SLC4A5: variants seen among roughly 807,000 people sequenced by gnomAD.
The protein encoded by SLC4A5 is solute carrier family 4 member 5, also known as electrogenic sodium bicarbonate cotransporter 4.
SLC4A5 carries 96 observed loss-of-function variants against 120.4 expected under a neutral mutation model. The observed-to-expected ratio is 0.80, with a 90% CI of 0.68 to 0.94. The LOEUF is 0.94. Ranked by LOEUF, SLC4A5 falls within the 40% of genes least tolerant of loss-of-function variation. SLC4A5 has a pLI of 0.00. For synonymous variants in SLC4A5, 550 were observed against 571.1 expected (o/e 0.96, Z 0.53); for missense variants, 1,259 against 1,459.5 (o/e 0.86, Z 2.24).
At chr2:74,256,163 C>G (rs1054121962) in intron 12 of SLC4A5, among the ~76,000 whole-genome samples, 6 of 152,228 alleles carry the variant, frequency 3.9e-5, no homozygotes, top group African/African-American at 1.4e-4. Flanking sequence ...CAACGACTTT[C>G]CTTGACTAAG....
At chr2:74,258,399 G>C in intron 12 of SLC4A5, among the ~76,000 whole-genome samples, 1 of 152,236 alleles carries the variant, frequency 6.6e-6, no homozygotes, top group South Asian at 2.1e-4. Context: ...TGGTGAAAGG[G>C]ACAGCTAGTG....
rs1470365991 is a variant in SLC4A5 at position 74,287,366 on chromosome 2, GAATCCC to G, written c.272-1470_272-1465del. On this transcript the variant is annotated intron_variant, in intron 7 of 30. Coordinates refer to ENST00000394019, the Ensembl canonical transcript of SLC4A5. ...AGTGGTAGTGTGGTGGAATCAAATA[GAATCCC>G]AATCCAGCTAGACAAGGGTGTGAGT... 6.6e-5 allele frequency among the ~76,000 whole-genome samples: 10 copies of G among 152,230 alleles called. No individual in the cohort carries two copies. The East Asian group carries it at 1.9e-3, about 29-fold the overall frequency.
intron 7 of SLC4A5, among the ~76,000 whole-genome samples, chr2:74,303,440 T>C (rs951395551): frequency 1.3e-5 from 2 of 152,140 alleles, no homozygotes; most frequent in Admixed American, 1.3e-4. Context: ...CTATATATAG[T>C]AGAAACCAAA....
chr2:74,238,094 T>A (rs1028254190), intron 21 of SLC4A5, among the ~76,000 whole-genome samples: 1 of 152,036 alleles, frequency 6.6e-6, no homozygotes, highest in African/African-American at 2.4e-5. Flanking sequence ...AGAGTGAGAC[T>A]CTGTCTCAAA....
At chr2:74,336,499 T>C (rs775617518) in intron 3 of SLC4A5, among the ~76,000 whole-genome samples, 29 of 152,174 alleles carry the variant, frequency 1.9e-4, no homozygotes, top group Admixed American at 4.6e-4. Context: ...ATAGCAGCTA[T>C]CCCATAGGTT....
At chr2:74,307,582 T>C in intron 6 of SLC4A5, 1 of 688,720 alleles carries the variant, frequency 1.5e-6, no homozygotes, top group Non-Finnish European at 2.7e-6. Context: ...TTGTCCACAG[T>C]ATTTGCGAAG....
At position 74,255,959 on chromosome 2, in the gene SLC4A5, C is replaced by T. The variant is rs763298616; in HGVS notation, c.868-27G>A. On this transcript the variant is annotated intron_variant, in intron 12 of 30. Transcript: ENST00000394019. This position sits in a 1 kb window ranked among gnomAD's most constrained non-coding sequence, Gnocchi z 4.0. ...TGGACAGGGAGGGGAAACGAGATAG[C>T]CAAGGAGACTCCCACCTGCTCTCAC... is the stretch of plus-strand genomic sequence containing the variant. 2.4e-5 allele frequency: 39 copies of T among 1,608,926 alleles called. No homozygotes were observed. Among genetic ancestry groups the T allele is most frequent in the Non-Finnish European group, 3.3e-5 (39 of 1,175,944 alleles).
rs748967071 is a variant in SLC4A5, at chr2:74,233,482, C to A, written c.2515G>T (p.Ala839Ser). Residue 839 changes from alanine to serine, a missense_variant, in exon 23 of 31, where the codon GCC (alanine) becomes TCC (serine). Ala to Ser is a moderately conservative substitution (Grantham distance 99). Transcript: ENST00000394019. The stretch of plus-strand genomic sequence containing the variant: ...AAGATCAGGATGGTCACCAGCAGGG[C>A]GGGCAGGATGCTTGCTGGGTATACC... 1 of 1,614,174 alleles carries A rather than the reference C, an allele frequency of 6.2e-7. No homozygotes were observed. Among genetic ancestry groups the A allele is most frequent in the Admixed American group, 1.7e-5 (1 of 60,018 alleles).
intron 16 of SLC4A5, 47 bp from the exon 17 acceptor site, chr2:74,250,564 T>C (rs1670759022): frequency 2.5e-6 from 4 of 1,605,494 alleles, no homozygotes; most frequent in East Asian, 2.2e-5. Flanking sequence ...CTAACACCAG[T>C]GCAGGGGCAG....
intron 14 of SLC4A5, 96 bp from the exon 15 acceptor site, chr2:74,253,224 A>G: frequency 7.0e-7 from 1 of 1,434,176 alleles, no homozygotes; most frequent in South Asian, 1.3e-5. Flanking sequence ...ATCCCTTTGA[A>G]CCACATCTCC....
At chr2:74,313,212 A>G (rs576722492) in intron 6 of SLC4A5, among the ~76,000 whole-genome samples, 2 of 152,074 alleles carry the variant, frequency 1.3e-5, no homozygotes, top group Admixed American at 6.5e-5. Flanking sequence ...TGAGCACTTT[A>G]TATGATTCTG....
In SLC4A5 at chr2:74,314,876, G is replaced by A. The variant is rs963858743; in HGVS notation, c.79+69C>T. 1.0e-5 allele frequency: 14 copies of A among 1,388,986 alleles called. No individual in the cohort carries two copies. The African/African-American group carries it at 1.8e-4, about 18-fold the overall frequency. The allele number at this position is 1,388,986 out of a possible 1,614,324, so 86.0% of individuals were successfully genotyped here. A position where few individuals can be genotyped will look rare whatever the true frequency, so the allele number is the denominator to read the frequency against. Reference sequence around the variant, plus strand: ...CCTAGACTCTCCTGCTGAAAGAGCTGTCATAAAGACATTCAGAGAATTCTC... The same window carrying A: ...CCTAGACTCTCCTGCTGAAAGAGCTATCATAAAGACATTCAGAGAATTCTC... On this transcript the variant is annotated intron_variant, in intron 6 of 30. Coordinates refer to ENST00000394019, the Ensembl canonical transcript of SLC4A5.
chr2:74,273,301 A>C (rs1671534561), intron 8 of SLC4A5, among the ~76,000 whole-genome samples: 1 of 152,216 alleles, frequency 6.6e-6, no homozygotes, highest in South Asian at 2.1e-4. Context: ...TTTGTTTGCA[A>C]AATCCCCCCT....
In SLC4A5 at chr2:74,310,493, G is replaced by A. The variant is rs140556947; in HGVS notation, c.79+4452C>T. ...AATTTCCCTCTATTCCTAGTTTACT[G>A]CAAGTTTTTATTATGAATAGGTGTT... On this transcript the variant is annotated intron_variant, in intron 6 of 30. Coordinates refer to ENST00000394019, the Ensembl canonical transcript of SLC4A5. Among the ~76,000 whole-genome samples the A allele has an allele frequency of 4.6e-5, 7 of 152,168 alleles. No individual in the cohort carries two copies. The East Asian group carries it at 1.4e-3, about 29-fold the overall frequency.
chr2:74,261,992 G>A (rs1239007589), intron 11 of SLC4A5, 145 bp downstream of exon 11: 1 of 652,772 alleles, frequency 1.5e-6, no homozygotes, highest in African/African-American at 1.8e-5. Flanking sequence ...TGGGTTTAGA[G>A]TGAAAGTTAG....
chr2:74,218,799 G>A lies in SLC4A5; in HGVS notation c.*34-7C>T, dbSNP rs1694520425. ...TTTGAAGTGCAAGGTGATGCTGAAC[G>A]AGAAGTAGGAAAGAAGGATTACGTA... On this transcript the variant is annotated splice_region_variant and splice_polypyrimidine_tract_variant and intron_variant, in intron 30 of 30. Coordinates refer to ENST00000394019, the Ensembl canonical transcript of SLC4A5. 1 of 152,686 alleles carries A rather than the reference G, an allele frequency of 6.5e-6. No homozygotes were observed. The highest frequency in any genetic ancestry group is 1.5e-5 in the Non-Finnish European group (1 of 68,064). The allele number at this position is 152,686 out of a possible 1,614,324, so 9.5% of individuals were successfully genotyped here.
chr2:74,313,513 A>G (rs911168029), intron 6 of SLC4A5, among the ~76,000 whole-genome samples: 2 of 152,162 alleles, frequency 1.3e-5, no homozygotes, highest in East Asian at 1.9e-4. Context: ...AAATCTGTCT[A>G]AAGTCCCAGC....
chr2:74,263,927 A>G (rs1354210054), intron 10 of SLC4A5, among the ~76,000 whole-genome samples: 1 of 152,246 alleles, frequency 6.6e-6, no homozygotes, highest in Non-Finnish European at 1.5e-5. Context: ...CCTGGCTGGG[A>G]ACCAACTCTC....
At chr2:74,317,896 C>T (rs1318582752) in intron 5 of SLC4A5, among the ~76,000 whole-genome samples, 2 of 152,168 alleles carry the variant, frequency 1.3e-5, no homozygotes, top group Non-Finnish European at 2.9e-5. Flanking sequence ...TGTTTGGCAG[C>T]TCCACTTCAA....
Sources: allele counts gnomAD v4.1 joint callset (sites outside exome capture counted in the v4.1 genomes callset), GRCh38; gene constraint gnomAD v4.1.1; non-coding constraint Gnocchi (gnomAD v3.1); transcripts MANE v1.5; gene names NCBI Gene and HGNC (gene_info 2026-07-23, HGNC 2026-07-21).